The following RBM47 variants were observed in gnomAD, a reference collection of about 807,000 sequenced individuals.
RBM47 encodes RNA binding motif protein 47, also known as RNA-binding protein 47.
Under a neutral mutation model 47.1 loss-of-function variants are expected in RBM47, and 21 were observed. That is an observed-to-expected ratio of 0.45 (90% CI 0.32 to 0.64). The LOEUF (loss-of-function observed/expected upper bound fraction) is 0.64. Among genes scored for constraint, RBM47 ranks in the 30% least tolerant of loss-of-function variants. The pLI is 0.05. For missense variants in RBM47, 708 were observed against 870.9 expected, an observed-to-expected ratio of 0.81 and a Z score of 2.35; for synonymous variants, 375 against 361.7, an observed-to-expected ratio of 1.04 and a Z score of -0.42.
At chr4:40,621,265 G>A (rs996464801) in intron 1 of RBM47, among the ~76,000 whole-genome samples, 1 of 152,154 alleles carries the variant, frequency 6.6e-6, no homozygotes, top group Non-Finnish European at 1.5e-5. Flanking sequence ...TCTAAACAAG[G>A]CAAATGAACG....
Position 40,477,006 on chromosome 4 carries a change from G to A in RBM47, c.-154-10307C>T, listed in dbSNP as rs377020779. Among the ~76,000 whole-genome samples the A allele has an allele frequency of 5.3e-5, 8 of 152,100 alleles. No individual in the cohort carries two copies. In the East Asian group the frequency reaches 7.7e-4, roughly 15 times the overall value. On this transcript the variant is annotated intron_variant, in intron 2 of 6. Coordinates refer to ENST00000295971, the MANE Select transcript of RBM47 (RefSeq NM_001098634.2). ...TCCCAGCACTTTGGGAGGCGGAGGC[G>A]GGTGGATCACTTGAGGTCAGAAGTT...
At chr4:40,563,772 G>A (rs968468800) in intron 1 of RBM47, among the ~76,000 whole-genome samples, 1 of 152,196 alleles carries the variant, frequency 6.6e-6, no homozygotes, top group Non-Finnish European at 1.5e-5. Flanking sequence ...TAAGACAAAA[G>A]AGCACAAAAC....
intron 1 of RBM47, among the ~76,000 whole-genome samples, chr4:40,591,374 C>T (rs1032351426): frequency 6.6e-6 from 1 of 152,106 alleles, no homozygotes; most frequent in South Asian, 2.1e-4. Context: ...AAGGCAACAA[C>T]ATCTGGGATA....
intron 3 of RBM47, among the ~76,000 whole-genome samples, chr4:40,464,409 A>G (rs964175661): frequency 2.0e-4 from 31 of 152,366 alleles, no homozygotes; most frequent in African/African-American, 7.2e-4. Context: ...AATTAGGCAC[A>G]GTAAGAGATT....
chr4:40,629,310 A>G (rs895940055), intron 1 of RBM47, 86 bp downstream of exon 1: 1 of 152,204 alleles, frequency 6.6e-6, no homozygotes, highest in African/African-American at 2.4e-5. Context: ...AGAGAAGAAT[A>G]AGAAAAAAAT....
At chr4:40,461,048 G>A (rs1013013763) in intron 3 of RBM47, among the ~76,000 whole-genome samples, 3 of 151,994 alleles carry the variant, frequency 2.0e-5, no homozygotes, top group Non-Finnish European at 2.9e-5. Flanking sequence ...AGAAACTCAA[G>A]AAATATGCAC....
chr4:40,593,590 G>T (rs1205223763), intron 1 of RBM47, among the ~76,000 whole-genome samples: 1 of 151,908 alleles, frequency 6.6e-6, no homozygotes, highest in African/African-American at 2.4e-5. Flanking sequence ...ACAAAAATTA[G>T]CTGGACACAG....
Position 40,423,684 on chromosome 4 carries a change from C to CTT in RBM47, c.*2218_*2219dup, listed in dbSNP as rs1300073939. The CTT allele has an allele frequency of 9.8e-6, 1 of 101,732 alleles. No homozygotes were observed. 6.3% of individuals were successfully genotyped at this position (101,732 alleles called of 1,614,324 possible). On this transcript the variant is annotated 3_prime_UTR_variant, in exon 7 of 7. Transcript: ENST00000295971. ...TCTTTCTTTCTTTCTTTCTTTCTTT[C>CTT]TTTCTTTCTTTCTTTCTTTCTTTCT...
At chr4:40,610,589 C>T (rs1193014675) in intron 1 of RBM47, among the ~76,000 whole-genome samples, 3 of 128,048 alleles carry the variant, frequency 2.3e-5, no homozygotes, top group African/African-American at 6.1e-5. Context: ...CAGCCTGGGG[C>T]GACAGAGTGA....
At chr4:40,452,703 CT>C (rs1715628922) in intron 3 of RBM47, among the ~76,000 whole-genome samples, 1 of 151,768 alleles carries the variant, frequency 6.6e-6, no homozygotes, top group Non-Finnish European at 1.5e-5. Flanking sequence ...TTTTTTAAGC[CT>C]TTTTTCTACA....
intron 1 of RBM47, among the ~76,000 whole-genome samples, chr4:40,569,564 C>T (rs1224601061): frequency 3.3e-5 from 5 of 149,366 alleles, no homozygotes; most frequent in South Asian, 2.2e-4. Flanking sequence ...CGCCCACCAC[C>T]ACACCCGGCT....
intron 1 of RBM47, among the ~76,000 whole-genome samples, chr4:40,627,044 T>C (rs890614702): frequency 6.6e-6 from 1 of 152,214 alleles, no homozygotes; most frequent in Non-Finnish European, 1.5e-5. Flanking sequence ...AGCAGTAATG[T>C]TGGGACCAAC....
chr4:40,589,169 T>C (rs1446478612), intron 1 of RBM47, among the ~76,000 whole-genome samples: 4 of 151,548 alleles, frequency 2.6e-5, no homozygotes, highest in East Asian at 2.0e-4. Context: ...GGTTTCACCA[T>C]GTTGGCCAGG....
At chr4:40,443,021 C>G (rs937137855) in intron 3 of RBM47, among the ~76,000 whole-genome samples, 3 of 152,064 alleles carry the variant, frequency 2.0e-5, no homozygotes, top group African/African-American at 7.2e-5. Context: ...TATGGAAGAA[C>G]CTTGAAGACA....
intron 2 of RBM47, among the ~76,000 whole-genome samples, chr4:40,527,110 T>G (rs1322143095): frequency 6.6e-6 from 1 of 152,046 alleles, no homozygotes; most frequent in Non-Finnish European, 1.5e-5. Context: ...GTTGGTTTTG[T>G]GTTTGTTTTA....
chr4:40,545,295 C>T (rs548001014), intron 1 of RBM47, among the ~76,000 whole-genome samples: 1 of 148,264 alleles, frequency 6.7e-6, no homozygotes, highest in African/African-American at 2.4e-5. Flanking sequence ...TCATGATCTG[C>T]CCGCCTCAGC....
intron 3 of RBM47, among the ~76,000 whole-genome samples, chr4:40,458,812 A>C (rs1716670618): frequency 6.6e-6 from 1 of 152,160 alleles, no homozygotes; most frequent in African/African-American, 2.4e-5. Context: ...AAAACAAAAA[A>C]AGATAGCTTA....
At chr4:40,506,326 A>G (rs887460610) in intron 2 of RBM47, among the ~76,000 whole-genome samples, 2 of 152,208 alleles carry the variant, frequency 1.3e-5, no homozygotes, top group Non-Finnish European at 2.9e-5. Flanking sequence ...TTCACTATTA[A>G]GTAAGAGTCC....
intron 3 of RBM47, among the ~76,000 whole-genome samples, chr4:40,444,699 C>T (rs1484202564): frequency 6.6e-6 from 1 of 150,700 alleles, no homozygotes; most frequent in Non-Finnish European, 1.5e-5. Context: ...GAGTCTCACT[C>T]TGTCATCCAG....
Sources: allele counts gnomAD v4.1 joint callset (sites outside exome capture counted in the v4.1 genomes callset), GRCh38; gene constraint gnomAD v4.1.1; transcripts MANE v1.5; gene names NCBI Gene and HGNC (gene_info 2026-07-23, HGNC 2026-07-21).